SLC25A25: variants seen among roughly 807,000 people sequenced by gnomAD.
The protein encoded by SLC25A25 is mitochondrial adenyl nucleotide antiporter SLC25A25.
Under a neutral mutation model 57.7 loss-of-function variants are expected in SLC25A25, and 32 were observed. The observed-to-expected ratio is 0.55, with a 90% CI of 0.42 to 0.74. The LOEUF (loss-of-function observed/expected upper bound fraction) is 0.74. Ranked by LOEUF, SLC25A25 falls within the 30% of genes least tolerant of loss-of-function variation. The pLI, the probability that SLC25A25 is intolerant of heterozygous loss-of-function variation, is 0.00. For synonymous variants in SLC25A25, 306 were observed against 291.2 expected (o/e 1.05, Z -0.52); for missense variants, 556 against 701.3 (o/e 0.79, Z 2.34).
At chr9:128,068,680 C>T in intron 1 of SLC25A25, 100 bp downstream of exon 1, 6 of 1,278,672 alleles carry the variant, frequency 4.7e-6, no homozygotes, top group Non-Finnish European at 4.0e-6. Context: ...GGAACCCCCA[C>T]TGTCCAGAGG....
chr9:128,101,158 TTATCTCCAAGA>T lies in SLC25A25; in HGVS notation c.326_336del (p.Tyr109SerfsTer2). ...AGCTAGACTTTGAAGAATTTGTCCA[TTATCTCCAAGA>T]TCATGAGAAGAAGCTGAGGCTGGTG... is the stretch of plus-strand genomic sequence containing the variant. On this transcript the variant is annotated frameshift_variant, in exon 2 of 11. Coordinates refer to ENST00000373069, the MANE Select transcript of SLC25A25 (RefSeq NM_001330988.2). LOFTEE classifies it high-confidence loss of function. The surrounding 1 kb of genome is among the most constrained non-coding windows in gnomAD (Gnocchi z 4.9). 1 of 1,614,258 alleles carries T rather than the reference TTATCTCCAAGA, an allele frequency of 6.2e-7. No homozygotes were observed. The highest frequency in any genetic ancestry group is 1.7e-5 in the Admixed American group (1 of 60,032).
At chr9:128,073,279 G>A (rs374955963) in intron 1 of SLC25A25, among the ~76,000 whole-genome samples, 14 of 152,142 alleles carry the variant, frequency 9.2e-5, no homozygotes, top group African/African-American at 2.9e-4. Context: ...TGAGAAAGAG[G>A]AGGAGAGATA....
chr9:128,100,404 G>A (rs915842502), intron 1 of SLC25A25, among the ~76,000 whole-genome samples: 3 of 152,108 alleles, frequency 2.0e-5, no homozygotes, highest in African/African-American at 7.2e-5. Flanking sequence ...GCCTTCTTGG[G>A]ACACTAAAGT....
chr9:128,078,467 C>T (rs796716769), intron 1 of SLC25A25, among the ~76,000 whole-genome samples: 9 of 152,240 alleles, frequency 5.9e-5, no homozygotes, highest in African/African-American at 2.2e-4. Context: ...GGGATGTCCG[C>T]TGTGGAAAAC....
At chr9:128,089,646 T>G (rs1344098024) in intron 1 of SLC25A25, among the ~76,000 whole-genome samples, 1 of 151,604 alleles carries the variant, frequency 6.6e-6, no homozygotes, top group Non-Finnish European at 1.5e-5. Flanking sequence ...TTTTTTTTTT[T>G]TTTTTTGAGA....
rs764825400 is a variant in SLC25A25, at chr9:128,105,713, C to T, written c.784-16C>T. Reference sequence around the variant, plus strand: ...GGCCCCCCGGGTCCGTCTGACTGTTCGGTCCTCCCTCCCAGGTCCATGCCT... The same window carrying T: ...GGCCCCCCGGGTCCGTCTGACTGTTTGGTCCTCCCTCCCAGGTCCATGCCT... On this transcript the variant is annotated splice_polypyrimidine_tract_variant and intron_variant, in intron 6 of 10. Transcript: ENST00000373069. The T allele has an allele frequency of 7.4e-6, 12 of 1,612,094 alleles. No individual in the cohort carries two copies. Among genetic ancestry groups the T allele is most frequent in the East Asian group, 2.2e-5 (1 of 44,884 alleles).
rs746433437 is a variant in SLC25A25 at position 128,095,565 on chromosome 9, T to C, written c.262-5531T>C. Among the ~76,000 whole-genome samples, 13 of 152,204 alleles carry C rather than the reference T, an allele frequency of 8.5e-5. No homozygotes were observed. The highest frequency in any genetic ancestry group is 1.8e-4 in the Non-Finnish European group (12 of 68,028). On this transcript the variant is annotated intron_variant, in intron 1 of 10. Coordinates refer to ENST00000373069, the MANE Select transcript of SLC25A25 (RefSeq NM_001330988.2). This position sits in a 1 kb window ranked among gnomAD's most constrained non-coding sequence, Gnocchi z 4.4. The stretch of plus-strand genomic sequence containing the variant: ...TACCTGTGAAACTCAGTAGGATGGA[T>C]GATTTAAAAAACCAAATGCCAATTG...
intron 1 of SLC25A25, among the ~76,000 whole-genome samples, chr9:128,073,837 C>T (rs1832954245): frequency 6.6e-6 from 1 of 151,500 alleles, no homozygotes; most frequent in East Asian, 1.9e-4. Context: ...CCGGTTCAAG[C>T]AATTCTTTGC....
In SLC25A25 at chr9:128,107,940, A is replaced by C. The variant is rs1448670970; in HGVS notation, c.*496A>C. On this transcript the variant is annotated 3_prime_UTR_variant, in exon 11 of 11. Transcript: ENST00000373069. ...GTCCAATCCCATAATCCATGATGAA[A>C]GGTGAGGTCACGTGGCCTCCCAGGC... 2.5e-6 allele frequency: 1 copy of C among 399,178 alleles called. No individual in the cohort carries two copies. 24.7% of individuals were successfully genotyped at this position (399,178 alleles called of 1,614,324 possible).
chr9:128,104,586 T>C (rs982114588), intron 6 of SLC25A25, among the ~76,000 whole-genome samples: 7 of 152,118 alleles, frequency 4.6e-5, no homozygotes, highest in East Asian at 1.9e-4. Flanking sequence ...TCTGTGAAAA[T>C]AGGGGCTTGA....
chr9:128,083,082 G>A (rs1256636039), intron 1 of SLC25A25, among the ~76,000 whole-genome samples: 3 of 151,898 alleles, frequency 2.0e-5, no homozygotes, highest in Non-Finnish European at 2.9e-5. Context: ...ACAAAAATTA[G>A]CCGGGCATTG....
chr9:128,076,124 A>G (rs1833005914), intron 1 of SLC25A25, among the ~76,000 whole-genome samples: 1 of 151,862 alleles, frequency 6.6e-6, no homozygotes, highest in African/African-American at 2.4e-5. Flanking sequence ...CCTGGCAGCC[A>G]ACTTTTTATT....
chr9:128,102,106 C>G lies in SLC25A25; in HGVS notation c.503C>G (p.Pro168Arg). ...KRIRTGHFWG[P>R]VTYMDKNGTM... is the part of the protein sequence containing the mutation. Reference sequence around the variant, plus strand: ...ATACGAACGGGCCATTTCTGGGGCCCTGTCACCTAGTAAGTATCCATGTCG... The same window carrying G: ...ATACGAACGGGCCATTTCTGGGGCCGTGTCACCTAGTAAGTATCCATGTCG... The change falls in exon 4 of 11, where the codon CCT becomes CGT. Residue 168 changes from proline (P) to arginine (R), a missense_variant. Pro to Arg is a moderately radical substitution (Grantham distance 103). Transcript: ENST00000373069. The surrounding 1 kb of genome is among the most constrained non-coding windows in gnomAD (Gnocchi z 4.1). The G allele has an allele frequency of 1.3e-6, 2 of 1,550,630 alleles. No individual in the cohort carries two copies. Among genetic ancestry groups the G allele is most frequent in the Non-Finnish European group, 1.7e-6 (2 of 1,146,998 alleles).
At chr9:128,083,518 T>G (rs1337277910) in intron 1 of SLC25A25, among the ~76,000 whole-genome samples, 2 of 143,806 alleles carry the variant, frequency 1.4e-5, no homozygotes, top group Non-Finnish European at 3.1e-5. Context: ...TTTTTCTTTT[T>G]TTTTTTTTTG....
intron 1 of SLC25A25, among the ~76,000 whole-genome samples, chr9:128,088,971 C>G (rs1311826958): frequency 6.6e-6 from 1 of 152,164 alleles, no homozygotes; most frequent in Non-Finnish European, 1.5e-5. Flanking sequence ...GTCAGCCAGG[C>G]TGCAGCCTCC....
Position 128,102,530 on chromosome 9 carries a change from C to A in SLC25A25, c.624+49C>A. 6.9e-7 allele frequency: 1 copy of A among 1,446,120 alleles called. No homozygotes were observed. Among genetic ancestry groups the A allele is most frequent in the Non-Finnish European group, 9.6e-7 (1 of 1,041,864 alleles). 89.6% of individuals were successfully genotyped at this position (1,446,120 alleles called of 1,614,324 possible). A position where few individuals can be genotyped will look rare whatever the true frequency, so the allele number is the denominator to read the frequency against. ...CTCATCTGCTCCCAGGGACCCTTAG[C>A]CCAGAGTCACCCAGTCGTCCCCATC... On this transcript the variant is annotated intron_variant, in intron 5 of 10. Transcript: ENST00000373069. The surrounding 1 kb of genome is among the most constrained non-coding windows in gnomAD (Gnocchi z 4.1).
chr9:128,087,387 G>A (rs1833302269), intron 1 of SLC25A25, among the ~76,000 whole-genome samples: 1 of 152,142 alleles, frequency 6.6e-6, no homozygotes, highest in African/African-American at 2.4e-5. Flanking sequence ...TCAGCCTCCT[G>A]AGTAGCTGGA....
chr9:128,083,666 C>T (rs1168980700), intron 1 of SLC25A25, among the ~76,000 whole-genome samples: 3 of 135,038 alleles, frequency 2.2e-5, no homozygotes, highest in Admixed American at 8.0e-5. Flanking sequence ...CCCAACACCA[C>T]GCCCAGCGAA....
intron 1 of SLC25A25, among the ~76,000 whole-genome samples, chr9:128,070,018 C>T (rs1213273360): frequency 1.1e-4 from 14 of 132,886 alleles, no homozygotes; most frequent in African/African-American, 3.7e-4. Context: ...CCCGGGTTCA[C>T]GCCATTCTCC....
Sources: gnomAD v4.1 joint callset for allele counts (sites outside exome capture counted in the v4.1 genomes callset) on GRCh38, gnomAD v4.1.1 for gene constraint, Gnocchi (gnomAD v3.1) non-coding constraint, MANE v1.5 for transcripts, NCBI Gene and HGNC (gene_info 2026-07-23, HGNC 2026-07-21) for gene names.